DHX9: variants seen among roughly 807,000 people sequenced by gnomAD.
The protein encoded by DHX9 is ATP-dependent RNA helicase A.
A neutral mutation model predicts 148.7 loss-of-function variants in DHX9; 27 were observed. The observed-to-expected ratio is 0.18, with a 90% CI of 0.13 to 0.25. The LOEUF is 0.25. Among genes scored for constraint, DHX9 ranks in the 10% least tolerant of loss-of-function variants. The probability of loss-of-function intolerance (pLI) is 1.00; values close to 1 mark genes in which losing one functional copy is unlikely to be tolerated. For missense variants in DHX9, 796 were observed against 1,559.6 expected (o/e 0.51, Z 8.25); for synonymous variants, 529 against 516.6 (o/e 1.02, Z -0.33).
intron 6 of DHX9, among the ~76,000 whole-genome samples, chr1:182,855,339 TATC>T (rs1009613568): frequency 1.4e-4 from 22 of 152,224 alleles, no homozygotes; most frequent in African/African-American, 3.1e-4. Flanking sequence ...ATCAGTATCT[TATC>T]ATAGATTTCT....
chr1:182,868,998 T>G (rs1368579112), intron 14 of DHX9, among the ~76,000 whole-genome samples: 1 of 152,244 alleles, frequency 6.6e-6, no homozygotes, highest in Non-Finnish European at 1.5e-5. Context: ...GACAAATGTT[T>G]TGATATTATC....
chr1:182,853,448 G>A, intron 5 of DHX9, 30 bp downstream of exon 5: 1 of 1,519,214 alleles, frequency 6.6e-7, no homozygotes, highest in Non-Finnish European at 9.1e-7. Context: ...TTACATCTCT[G>A]AGAATGTGAT....
intron 24 of DHX9, among the ~76,000 whole-genome samples, chr1:182,882,166 C>T (rs1194580208): frequency 6.6e-6 from 1 of 152,188 alleles, no homozygotes; most frequent in Non-Finnish European, 1.5e-5. Context: ...TGGTTCTCTT[C>T]TGTCATAAGC....
intron 12 of DHX9, among the ~76,000 whole-genome samples, chr1:182,861,705 A>C (rs1376186617): frequency 2.0e-5 from 3 of 152,208 alleles, no homozygotes; most frequent in Non-Finnish European, 2.9e-5. Context: ...TAAAATGTTC[A>C]GTGGCATGGA....
chr1:182,868,890 C>T (rs1407758838), intron 14 of DHX9, among the ~76,000 whole-genome samples: 1 of 152,114 alleles, frequency 6.6e-6, no homozygotes, highest in Admixed American at 6.5e-5. Flanking sequence ...CTTATGATGA[C>T]TATAAATCAT....
At chr1:182,848,241 T>A (rs1668067918) in intron 3 of DHX9, among the ~76,000 whole-genome samples, 1 of 152,268 alleles carries the variant, frequency 6.6e-6, no homozygotes, top group Non-Finnish European at 1.5e-5. Flanking sequence ...TAACTCAGTG[T>A]TTCTCAACTG....
intron 12 of DHX9, among the ~76,000 whole-genome samples, chr1:182,861,932 C>T (rs1293732829): frequency 6.6e-6 from 1 of 152,182 alleles, no homozygotes; most frequent in Non-Finnish European, 1.5e-5. Context: ...TATAGTTCAG[C>T]CATGAAGGTA....
intron 15 of DHX9, among the ~76,000 whole-genome samples, chr1:182,874,021 C>A (rs908232107): frequency 6.6e-6 from 1 of 152,158 alleles, no homozygotes; most frequent in African/African-American, 2.4e-5. Flanking sequence ...TACCAAAATA[C>A]AAAATATTTG....
At chr1:182,855,414 C>T (rs1422961307) in intron 6 of DHX9, among the ~76,000 whole-genome samples, 1 of 152,106 alleles carries the variant, frequency 6.6e-6, no homozygotes, top group Non-Finnish European at 1.5e-5. Flanking sequence ...GTTGGGGGAG[C>T]CAGGACAGCA....
intron 14 of DHX9, among the ~76,000 whole-genome samples, chr1:182,867,398 ATCGTTTTTTGTT>A (rs1648343177): frequency 6.6e-6 from 1 of 151,862 alleles, no homozygotes; most frequent in African/African-American, 2.4e-5. Flanking sequence ...AGATTTTATA[ATCGTTTTTTGTT>A]TTGTTTTTTT....
intron 17 of DHX9, 35 bp from the exon 18 acceptor site, chr1:182,876,411 GT>G (rs1648762227): frequency 1.3e-6 from 2 of 1,591,922 alleles, no homozygotes; most frequent in African/African-American, 2.7e-5. Flanking sequence ...ACCAGCTCCT[GT>G]TTTTAGTCCC....
In DHX9 at chr1:182,872,401, T is replaced by C; in HGVS notation, c.1622T>C (p.Leu541Pro). The change falls in exon 15 of 28, where the codon CTT (leucine) becomes CCT (proline). Residue 541 changes from leucine (L) to proline (P), a missense_variant. Leu to Pro is a moderately conservative substitution (Grantham distance 98, BLOSUM62 -3). Coordinates refer to ENST00000367549, the MANE Select transcript of DHX9 (RefSeq NM_001357.5). ...VQAYPEVRIV[L>P]MSATIDTSMF... The stretch of plus-strand genomic sequence containing the variant: ...GCTTATCCTGAAGTTCGCATTGTTC[T>C]TATGTCTGCTACTATTGATACCAGC... The C allele has an allele frequency of 6.2e-7, 1 of 1,614,080 alleles. No individual in the cohort carries two copies. The highest frequency in any genetic ancestry group is 8.5e-7 in the Non-Finnish European group (1 of 1,179,960).
At chr1:182,865,094 T>G (rs1360558302) in intron 12 of DHX9, among the ~76,000 whole-genome samples, 1 of 152,010 alleles carries the variant, frequency 6.6e-6, no homozygotes, top group Non-Finnish European at 1.5e-5. Context: ...AAAGAAAAAC[T>G]ATAGGGAAGA....
At chr1:182,849,347 A>T (rs1204035112) in intron 3 of DHX9, among the ~76,000 whole-genome samples, 1 of 152,232 alleles carries the variant, frequency 6.6e-6, no homozygotes, top group East Asian at 1.9e-4. Flanking sequence ...ATTTTGGAGC[A>T]TCCCAGACAT....
intron 15 of DHX9, among the ~76,000 whole-genome samples, chr1:182,873,577 G>A (rs1021122391): frequency 4.6e-5 from 7 of 152,190 alleles, no homozygotes; most frequent in African/African-American, 9.7e-5. Flanking sequence ...AGAACAAACC[G>A]TATGTTACTG....
At chr1:182,870,022 G>T (rs1371921735) in intron 14 of DHX9, among the ~76,000 whole-genome samples, 1 of 152,186 alleles carries the variant, frequency 6.6e-6, no homozygotes, top group Non-Finnish European at 1.5e-5. Context: ...AGTCTGGCTG[G>T]ATAAAAGGTA....
intron 16 of DHX9, among the ~76,000 whole-genome samples, 197 bp from the exon 17 acceptor site, chr1:182,875,853 T>A (rs1260270490): frequency 6.6e-6 from 1 of 152,222 alleles, no homozygotes; most frequent in African/African-American, 2.4e-5. Context: ...AAATACTAAT[T>A]AGTGGAAAAG....
At position 182,880,476 on chromosome 1, in the gene DHX9, C is replaced by T. The variant is rs748180409; in HGVS notation, c.2513-21C>T. 4 of 1,523,874 alleles carry T rather than the reference C, an allele frequency of 2.6e-6. No individual in the cohort carries two copies. In the Admixed American group the frequency reaches 6.9e-5, roughly 26 times the overall value. 94.4% of individuals were successfully genotyped at this position (1,523,874 alleles called of 1,614,324 possible). Reference sequence around the variant, plus strand: ...ATTAGTGTTCATTTGTTTCTGCTCACAAAGAACTATCTCCCCACAGAGCTT... The same window carrying T: ...ATTAGTGTTCATTTGTTTCTGCTCATAAAGAACTATCTCCCCACAGAGCTT... On this transcript the variant is annotated intron_variant, in intron 21 of 27. Coordinates refer to ENST00000367549, the MANE Select transcript of DHX9 (RefSeq NM_001357.5).
At chr1:182,870,557 CAATT>C (rs1648516085) in intron 14 of DHX9, among the ~76,000 whole-genome samples, 1 of 152,112 alleles carries the variant, frequency 6.6e-6, no homozygotes, top group Non-Finnish European at 1.5e-5. Context: ...AGGGAATGAG[CAATT>C]AAGTAAATGG....
Sources: allele counts gnomAD v4.1 joint callset (sites outside exome capture counted in the v4.1 genomes callset), GRCh38; gene constraint gnomAD v4.1.1; transcripts MANE v1.5; gene names NCBI Gene and HGNC (gene_info 2026-07-23, HGNC 2026-07-21).